Variants in DLGAP1 observed in about 807,000 individuals in gnomAD.
DLGAP1 encodes disks large-associated protein 1.
Under a neutral mutation model 90.8 loss-of-function variants are expected in DLGAP1, and 11 were observed. The observed-to-expected ratio is 0.12, with a 90% CI of 0.08 to 0.20. The LOEUF (loss-of-function observed/expected upper bound fraction) is 0.20. DLGAP1 is among the 10% of genes least tolerant of loss of function. DLGAP1 has a pLI of 1.00. For missense variants in DLGAP1, 1,050 were observed against 1,333.8 expected, an observed-to-expected ratio of 0.79 and a Z score of 3.31; for synonymous variants, 558 against 540.7, an observed-to-expected ratio of 1.03 and a Z score of -0.44.
chr18:4,188,470 CT>C (rs2077338226), intron 1 of DLGAP1, among the ~76,000 whole-genome samples: 1 of 152,102 alleles, frequency 6.6e-6, no homozygotes, highest in African/African-American at 2.4e-5. Context: ...CCCCTTGCCC[CT>C]CACACCCCGA....
At chr18:3,592,843 CAAAAAAAAAA>C (rs56871583) in intron 7 of DLGAP1, among the ~76,000 whole-genome samples, 3 of 42,582 alleles carry the variant, frequency 7.0e-5, no homozygotes, top group East Asian at 7.8e-4. Context: ...GACCCTGCCT[CAAAAAAAAAA>C]AAAAAAAAAA....
chr18:4,233,670 T>A (rs533589757), intron 1 of DLGAP1, among the ~76,000 whole-genome samples: 1 of 152,242 alleles, frequency 6.6e-6, no homozygotes, highest in South Asian at 2.1e-4. Context: ...GGAATTAAGC[T>A]TCACCTCCTG....
Position 4,122,996 on chromosome 18 carries a change from G to A in DLGAP1, c.-159+28184C>T, listed in dbSNP as rs117592695. ...CATTGCCCCAAGGGTAAGAACTGGG[G>A]CTAAAGGGATCTGGAGTGGAAATTA... On this transcript the variant is annotated intron_variant, in intron 2 of 12. Coordinates refer to ENST00000315677, the MANE Select transcript of DLGAP1 (RefSeq NM_004746.4). 3.3e-5 allele frequency among the ~76,000 whole-genome samples: 5 copies of A among 152,312 alleles called. No homozygotes were observed. In the East Asian group the frequency reaches 9.6e-4, roughly 29 times the overall value.
chr18:4,280,230 A>G (rs2079518034), intron 1 of DLGAP1, among the ~76,000 whole-genome samples: 1 of 152,230 alleles, frequency 6.6e-6, no homozygotes, highest in Non-Finnish European at 1.5e-5. Flanking sequence ...TAATCATGAT[A>G]TAATTTTAAT....
chr18:4,409,735 A>G (rs1201701472), intron 1 of DLGAP1, among the ~76,000 whole-genome samples: 1 of 151,990 alleles, frequency 6.6e-6, no homozygotes, highest in Admixed American at 6.5e-5. Flanking sequence ...TTCTCTATTC[A>G]TGTTCTTAGC....
chr18:3,879,871 G>A lies in DLGAP1; in HGVS notation c.198C>T (p.Ala66=), dbSNP rs771674541. 3.1e-5 allele frequency: 50 copies of A among 1,610,718 alleles called. No individual in the cohort carries two copies. Among genetic ancestry groups the A allele is most frequent in the Non-Finnish European group, 4.2e-5 (49 of 1,179,528 alleles). Residue 66 remains alanine (A), a synonymous_variant, in exon 4 of 13, where the codon GCC becomes GCT. Transcript: ENST00000315677. This position sits in a 1 kb window ranked among gnomAD's most constrained non-coding sequence, Gnocchi z 6.6. The stretch of plus-strand genomic sequence containing the variant: ...AGTGCCTGCGGGGGAAGGTGCTGCT[G>A]GCCAGCGGGTCGCTGAAGGGGCCCA... The part of the protein sequence containing the change: ...ECVGPFSDPL[A]SSTFPRRHYT...
Position 3,565,073 on chromosome 18 carries a change from G to A in DLGAP1, c.2057+2417C>T, listed in dbSNP as rs1237529445. Among the ~76,000 whole-genome samples the A allele has an allele frequency of 6.6e-6, 1 of 152,176 alleles. No individual in the cohort carries two copies. The highest frequency in any genetic ancestry group is 1.5e-5 in the Non-Finnish European group (1 of 68,030). On this transcript the variant is annotated intron_variant, in intron 9 of 12. Transcript: ENST00000315677. This position sits in a 1 kb window ranked among gnomAD's most constrained non-coding sequence, Gnocchi z 4.0. ...GGCACAGCCAGGATTTGGTGTTCTG[G>A]CTCAAGAGTCTGTGCTGTCAACCAC...
At chr18:3,967,494 CT>C (rs1271165968) in intron 3 of DLGAP1, among the ~76,000 whole-genome samples, 1 of 152,222 alleles carries the variant, frequency 6.6e-6, no homozygotes, top group Non-Finnish European at 1.5e-5. Flanking sequence ...ATCCCAGACT[CT>C]GGGGTTGAGG....
intron 7 of DLGAP1, among the ~76,000 whole-genome samples, chr18:3,683,564 AAAT>A (rs2060595795): frequency 1.3e-5 from 2 of 152,216 alleles, no homozygotes; most frequent in South Asian, 2.1e-4. Context: ...ACCAAGGATG[AAAT>A]AATAAGTGCT....
At position 3,692,976 on chromosome 18, in the gene DLGAP1, C is replaced by T. The variant is rs540427583; in HGVS notation, c.1591+36159G>A. Among the ~76,000 whole-genome samples the T allele has an allele frequency of 1.1e-3, 171 of 152,284 alleles. No individual in the cohort carries two copies. The Middle Eastern group carries it at 0.017, about 15-fold the overall frequency. On this transcript the variant is annotated intron_variant, in intron 7 of 12. Transcript: ENST00000315677. ...AGCATGACTATCATGAAGCAGGCAC[C>T]CTGGATCACTGAAAGCTCTTTAACT...
chr18:3,729,271 G>C lies in DLGAP1; in HGVS notation c.1455C>G (p.Gly485=). The part of the protein sequence containing the change: ...AVEALDLPMP[G]CFRMRSHSYV... ...AGCTGTGGCTCCGCATGCGGAAGCA[G>C]CCGGGCATGGGCAGGTCCAGCGCTT... The change falls in exon 7 of 13, where the codon GGC becomes GGG. Residue 485 remains glycine (G), a synonymous_variant. Transcript: ENST00000315677. This position sits in a 1 kb window ranked among gnomAD's most constrained non-coding sequence, Gnocchi z 6.2. 1 of 1,614,088 alleles carries C rather than the reference G, an allele frequency of 6.2e-7. No individual in the cohort carries two copies. The highest frequency in any genetic ancestry group is 2.2e-5 in the East Asian group (1 of 44,868).
At chr18:3,684,935 G>T (rs947173355) in intron 7 of DLGAP1, among the ~76,000 whole-genome samples, 1 of 152,152 alleles carries the variant, frequency 6.6e-6, no homozygotes, top group Non-Finnish European at 1.5e-5. Flanking sequence ...TCTAAGGATT[G>T]TTCAAATGAA....
At chr18:4,433,879 G>A (rs58893617) in intron 1 of DLGAP1, among the ~76,000 whole-genome samples, 8,551 of 152,204 alleles carry the variant, frequency 0.056, 799 homozygotes, top group African/African-American at 0.19. Context: ...TCATTGCTGC[G>A]TAAGGAATAA....
chr18:3,610,136 G>A (rs1453200657), intron 7 of DLGAP1, among the ~76,000 whole-genome samples: 2 of 151,790 alleles, frequency 1.3e-5, no homozygotes, highest in East Asian at 1.9e-4. Context: ...CCTCTCCTTC[G>A]AGAGGGCTTT....
intron 3 of DLGAP1, among the ~76,000 whole-genome samples, chr18:3,920,204 G>C (rs547050713): frequency 6.6e-6 from 1 of 151,940 alleles, no homozygotes; most frequent in Non-Finnish European, 1.5e-5. Flanking sequence ...TTAGCCAGGC[G>C]TGGTGGTGCA....
intron 9 of DLGAP1, among the ~76,000 whole-genome samples, chr18:3,539,659 G>A (rs914548328): frequency 8.5e-5 from 13 of 152,084 alleles, no homozygotes; most frequent in Admixed American, 8.5e-4. Flanking sequence ...AACATATATG[G>A]GTAAACTGAA....
chr18:4,298,547 G>C (rs2080040223), intron 1 of DLGAP1, among the ~76,000 whole-genome samples: 1 of 151,724 alleles, frequency 6.6e-6, no homozygotes, highest in South Asian at 2.1e-4. Context: ...ACTGCATATT[G>C]TCACTCACAG....
At chr18:4,146,484 C>T (rs2076587179) in intron 2 of DLGAP1, among the ~76,000 whole-genome samples, 1 of 152,038 alleles carries the variant, frequency 6.6e-6, no homozygotes, top group South Asian at 2.1e-4. Flanking sequence ...ATGATCTGTA[C>T]CTTGAAATTG....
In DLGAP1 at chr18:3,810,998, G is replaced by GT. The variant is rs527293901; in HGVS notation, c.1172+3060dup. On this transcript the variant is annotated intron_variant, in intron 5 of 12. Coordinates refer to ENST00000315677, the MANE Select transcript of DLGAP1 (RefSeq NM_004746.4). The stretch of plus-strand genomic sequence containing the variant: ...TTTTTGTAGTTTTTGTAGAGACAAG[G>GT]TTTTGCCATGTTGCCCAGGCTGGTC... 3.9e-4 allele frequency among the ~76,000 whole-genome samples: 59 copies of GT among 152,150 alleles called. No individual in the cohort carries two copies. In the South Asian group the frequency reaches 0.012, roughly 30 times the overall value.
Sources: allele counts gnomAD v4.1 joint callset (sites outside exome capture counted in the v4.1 genomes callset), GRCh38; gene constraint gnomAD v4.1.1; non-coding constraint Gnocchi (gnomAD v3.1); transcripts MANE v1.5; gene names NCBI Gene and HGNC (gene_info 2026-07-23, HGNC 2026-07-21).